The following STXBP2 variants were observed in gnomAD, a reference collection of about 807,000 sequenced individuals.
STXBP2 encodes syntaxin binding protein 2.
In STXBP2, 47 loss-of-function variants were observed where a neutral mutation model predicts 72.2. That is an observed-to-expected ratio of 0.65 (90% CI 0.51 to 0.83). STXBP2 has a LOEUF of 0.83. Among genes scored for constraint, STXBP2 ranks in the 40% least tolerant of loss-of-function variants. The pLI, the probability that STXBP2 is intolerant of heterozygous loss-of-function variation, is 0.00. For synonymous variants in STXBP2, 367 were observed against 338.7 expected, an observed-to-expected ratio of 1.08 and a Z score of -0.92; for missense variants, 702 against 807.6, an observed-to-expected ratio of 0.87 and a Z score of 1.58.
In STXBP2 at chr19:7,639,206, CAGAACT is replaced by C. The variant is rs1026447622; in HGVS notation, c.169+107_169+112del. 26 of 1,220,250 alleles carry C rather than the reference CAGAACT, an allele frequency of 2.1e-5. No homozygotes were observed. The African/African-American group carries it at 3.9e-4, about 18-fold the overall frequency. 75.6% of individuals were successfully genotyped at this position (1,220,250 alleles called of 1,614,324 possible). A position where few individuals can be genotyped will look rare whatever the true frequency, so the allele number is the denominator to read the frequency against. On this transcript the variant is annotated intron_variant, in intron 3 of 18. Transcript: ENST00000221283. The stretch of plus-strand genomic sequence containing the variant: ...GAGTGTAGGATCCCCTCAAATCGTC[CAGAACT>C]CCCAAGTACGCAGCTCCCTGCACGG...
At chr19:7,633,230 C>T (rs1354549601), upstream of STXBP2, among the ~76,000 whole-genome samples, 3 of 152,252 alleles carry the variant, frequency 2.0e-5, no homozygotes, top group African/African-American at 4.8e-5. Flanking sequence ...GCCCTGCCCT[C>T]TGCCCTGGGG....
intron 16 of STXBP2, 178 bp from the exon 17 acceptor site, chr19:7,646,984 A>T: frequency 6.4e-6 from 4 of 627,288 alleles, no homozygotes; most frequent in Non-Finnish European, 1.1e-5. Flanking sequence ...TTATGGATCT[A>T]GATTTCTAGG....
chr19:7,642,567 C>A lies in STXBP2; in HGVS notation c.902+31C>A. On this transcript the variant is annotated intron_variant, in intron 10 of 18. Coordinates refer to ENST00000221283, the MANE Select transcript of STXBP2 (RefSeq NM_006949.4). The surrounding 1 kb of genome is among the most constrained non-coding windows in gnomAD (Gnocchi z 6.0). ...TGCACACGGGGACCGGATCCCCCCC[C>A]CACCGCCCACTGTGGGCCTGGTAGC... 1.9e-6 allele frequency: 3 copies of A among 1,609,268 alleles called. No individual in the cohort carries two copies. Among genetic ancestry groups the A allele is most frequent in the Admixed American group, 1.7e-5 (1 of 60,020 alleles).
rs918678103 is a variant in STXBP2 at position 7,639,054 on chromosome 19, G to A, written c.123G>A (p.Leu41=). The A allele has an allele frequency of 1.2e-6, 2 of 1,614,234 alleles. No individual in the cohort carries two copies. The highest frequency in any genetic ancestry group is 2.2e-5 in the East Asian group (1 of 44,886). ...TGGATCACCCAAGCATGCGCATCTT[G>A]TCTTCCTGCTGCAAAATGTCAGATA... ...LIMDHPSMRI[L]SSCCKMSDIL... The change falls in exon 3 of 19, where the codon TTG becomes TTA. Residue 41 remains leucine, a synonymous_variant. Transcript: ENST00000221283.
the STXBP2 span, chr19:7,630,963 G>T: frequency 3.8e-6 from 5 of 1,308,840 alleles, no homozygotes; most frequent in Non-Finnish European, 5.3e-6. Context: ...TAATCCCAGG[G>T]CATGGGAGGC....
At chr19:7,632,326 G>A (rs2031347082), upstream of STXBP2, 2 of 1,594,868 alleles carry the variant, frequency 1.3e-6, no homozygotes, top group East Asian at 2.2e-5. The surrounding 1 kb of genome is among the most constrained non-coding windows in gnomAD (Gnocchi z 5.2). Context: ...CCTGGCTGGG[G>A]TGGAGGGCAG....
upstream of STXBP2, chr19:7,632,376 G>A (rs536738333): frequency 2.4e-5 from 39 of 1,613,352 alleles, no homozygotes; most frequent in African/African-American, 4.0e-5. This position sits in a 1 kb window ranked among gnomAD's most constrained non-coding sequence, Gnocchi z 5.2. Context: ...CCTCGACATC[G>A]CCAGAACATC....
intron 3 of STXBP2, 145 bp downstream of exon 3, chr19:7,639,245 G>A (rs552257604): frequency 2.7e-5 from 24 of 881,952 alleles, no homozygotes; most frequent in African/African-American, 1.3e-4. Flanking sequence ...CGGACAGCCC[G>A]GATCATGTGA....
rs1212658217 is a variant in STXBP2, at chr19:7,642,554, C to T, written c.902+18C>T. 1.2e-6 allele frequency: 2 copies of T among 1,611,362 alleles called. No homozygotes were observed. Among genetic ancestry groups the T allele is most frequent in the Non-Finnish European group, 1.7e-6 (2 of 1,178,342 alleles). ...GTGTCCAAGTGCGTGCACACGGGGA[C>T]CGGATCCCCCCCCCACCGCCCACTG... On this transcript the variant is annotated intron_variant, in intron 10 of 18. Transcript: ENST00000221283. This position sits in a 1 kb window ranked among gnomAD's most constrained non-coding sequence, Gnocchi z 6.0.
upstream of STXBP2, chr19:7,633,102 G>C (rs140850492): frequency 1.8e-6 from 2 of 1,113,006 alleles, no homozygotes; most frequent in Non-Finnish European, 2.5e-6. Flanking sequence ...GTGTCCCGCC[G>C]TCCTAGATTG....
chr19:7,630,601 C>G, the STXBP2 span: 3 of 1,537,168 alleles, frequency 2.0e-6, no homozygotes, highest in Admixed American at 5.9e-5. Flanking sequence ...TTCCCTGTGG[C>G]TATGTTCTGG....
At chr19:7,640,639 A>C (rs960311297) in intron 4 of STXBP2, 92 bp from the exon 5 acceptor site, 2 of 1,532,560 alleles carry the variant, frequency 1.3e-6, no homozygotes, top group African/African-American at 2.7e-5. Context: ...ATGTTTGCAC[A>C]TGGTGGCAGA....
intron 1 of STXBP2, among the ~76,000 whole-genome samples, chr19:7,638,216 G>A (rs1187793275): frequency 6.6e-6 from 1 of 152,236 alleles, no homozygotes; most frequent in Non-Finnish European, 1.5e-5. Flanking sequence ...AGACACTCAG[G>A]ATGCGTAGGT....
rs116683912 is a variant in STXBP2, at chr19:7,641,479, G to A, written c.430-226G>A. Among the ~76,000 whole-genome samples, 1,430 of 152,290 alleles carry A rather than the reference G, an allele frequency of 9.4e-3. 24 individuals carry two copies. Among genetic ancestry groups the A allele is most frequent in the African/African-American group, 0.031 (1,299 of 41,552 alleles). On this transcript the variant is annotated intron_variant, in intron 6 of 18. Transcript: ENST00000221283. The stretch of plus-strand genomic sequence containing the variant: ...GCCCTTGCAGGGGGCAGCGTAGAGC[G>A]CACCGCGGGGTTGTCCAGCCAGCTT...
intron 13 of STXBP2, 48 bp downstream of exon 13, chr19:7,643,293 G>A (rs1281647129): frequency 1.9e-6 from 3 of 1,591,594 alleles, no homozygotes; most frequent in Non-Finnish European, 2.6e-6. Context: ...TGCCAAGGCG[G>A]GGTATTGGGG....
At chr19:7,630,051 G>A in the STXBP2 span, 1 of 684,228 alleles carries the variant, frequency 1.5e-6, no homozygotes. Context: ...TCGGATTTGG[G>A]CTTCTGGGTT....
chr19:7,643,421 G>T, intron 13 of STXBP2, 176 bp downstream of exon 13: 1 of 710,186 alleles, frequency 1.4e-6, no homozygotes. Flanking sequence ...GTGGAGAAAC[G>T]GTCCTAGGAT....
At position 7,642,993 on chromosome 19, in the gene STXBP2, A is replaced by G. The variant is rs751647733; in HGVS notation, c.971A>G (p.Lys324Arg). 2.5e-6 allele frequency: 4 copies of G among 1,614,132 alleles called. No individual in the cohort carries two copies. In the East Asian group the frequency reaches 6.7e-5, roughly 27 times the overall value. The change falls in exon 12 of 19, where the codon AAA becomes AGA. Residue 324 changes from lysine (K) to arginine (R), a missense_variant. Physicochemically the swap from Lys to Arg is conservative, Grantham distance 26. Coordinates refer to ENST00000221283, the MANE Select transcript of STXBP2 (RefSeq NM_006949.4). This position sits in a 1 kb window ranked among gnomAD's most constrained non-coding sequence, Gnocchi z 6.0. Reference protein sequence around the residue: ...KRLTTDKANIKDLSQILKKMP... With the variant: ...KRLTTDKANIRDLSQILKKMP... The stretch of plus-strand genomic sequence containing the variant: ...CCCCTACTTCCCCAGGCGAACATCA[A>G]AGACCTATCCCAGATCCTGAAAAAG...
chr19:7,646,383 C>CG (rs1164124202), intron 16 of STXBP2, 39 bp downstream of exon 16: 4 of 1,546,664 alleles, frequency 2.6e-6, no homozygotes, highest in Non-Finnish European at 3.5e-6. Flanking sequence ...CAGCCCTCCG[C>CG]ATCGGCTGGC....
Sources: allele counts gnomAD v4.1 joint callset (sites outside exome capture counted in the v4.1 genomes callset), GRCh38; gene constraint gnomAD v4.1.1; non-coding constraint Gnocchi (gnomAD v3.1); transcripts MANE v1.5; gene names NCBI Gene and HGNC (gene_info 2026-07-23, HGNC 2026-07-21).